Variants in MICAL3 observed in about 807,000 individuals in gnomAD.
MICAL3 encodes [F-actin]-monooxygenase MICAL3.
A neutral mutation model predicts 207.4 loss-of-function variants in MICAL3; 62 were observed. That is an observed-to-expected ratio of 0.30 (90% CI 0.24 to 0.37). The LOEUF (loss-of-function observed/expected upper bound fraction) is 0.37. Among genes scored for constraint, MICAL3 ranks in the 10% least tolerant of loss-of-function variants. MICAL3 has a pLI of 1.00. For missense variants in MICAL3, 2,368 were observed against 2,635.6 expected (o/e 0.90, Z 2.22); for synonymous variants, 1,077 against 1,069.3 (o/e 1.01, Z -0.14).
chr22:17,945,198 T>G (rs1934005252), intron 1 of MICAL3, among the ~76,000 whole-genome samples: 1 of 152,148 alleles, frequency 6.6e-6, no homozygotes. Context: ...AGCCTTTACC[T>G]TTCTCCATAA....
At chr22:17,934,749 CT>C (rs1178583724) in intron 1 of MICAL3, among the ~76,000 whole-genome samples, 8 of 152,310 alleles carry the variant, frequency 5.3e-5, no homozygotes, top group Admixed American at 2.6e-4. Flanking sequence ...TGATAAGCAA[CT>C]TCAGCAAAGT....
intron 1 of MICAL3, among the ~76,000 whole-genome samples, chr22:17,915,375 G>A (rs1434233993): frequency 6.6e-6 from 1 of 152,188 alleles, no homozygotes; most frequent in Non-Finnish European, 1.5e-5. Context: ...CAACCTCCAG[G>A]CCACTGCACA....
Position 17,841,927 on chromosome 22 carries a change from G to A in MICAL3, c.2696C>T (p.Ser899Phe). ...ERIELENYRLSLRQAEALQEV... is the reference protein window; with the variant it reads ...ERIELENYRLFLRQAEALQEV... ...CTGCAGTGCCTCAGCCTGCCTCAGG[G>A]ACAGGCGGTAGTTCTCCAGCTCGAT... Residue 899 changes from serine (S) to phenylalanine (F), a missense_variant, in exon 20 of 32, where the codon TCC (serine) becomes TTC (phenylalanine). Physicochemically the swap from Ser to Phe is radical, Grantham distance 155. Transcript: ENST00000441493. The surrounding 1 kb of genome is among the most constrained non-coding windows in gnomAD (Gnocchi z 4.2). The A allele has an allele frequency of 1.2e-6, 2 of 1,601,036 alleles. No homozygotes were observed. The highest frequency in any genetic ancestry group is 1.7e-6 in the Non-Finnish European group (2 of 1,175,488).
At chr22:17,872,682 C>T (rs1181311616) in intron 16 of MICAL3, 9 of 984,506 alleles carry the variant, frequency 9.1e-6, no homozygotes, top group South Asian at 2.6e-5. Flanking sequence ...AGTGACTCAG[C>T]ACACAGGTGT....
chr22:17,904,653 C>T lies in MICAL3; in HGVS notation c.451G>A (p.Ala151Thr). The change falls in exon 3 of 32, where the codon GCT (alanine) becomes ACT (threonine). Residue 151 changes from alanine to threonine, a missense_variant. This residue lies in a region of MICAL3 where 400 missense variants were observed against 547.0 expected (regional missense o/e 0.73). Transcript: ENST00000441493. ...GAKKFYGKFC[A>T]GAIDHISIRQ... ...TTACTGATATGGTCGATGGCTCCAGCACAGAACTTGCCATAGAACTTCTTG... is the reference window on the plus strand; with the variant it reads ...TTACTGATATGGTCGATGGCTCCAGTACAGAACTTGCCATAGAACTTCTTG... 1 of 1,613,928 alleles carries T rather than the reference C, an allele frequency of 6.2e-7. No homozygotes were observed. The highest frequency in any genetic ancestry group is 8.5e-7 in the Non-Finnish European group (1 of 1,179,930).
At chr22:17,928,023 C>T (rs1475713226) in intron 1 of MICAL3, among the ~76,000 whole-genome samples, 3 of 152,122 alleles carry the variant, frequency 2.0e-5, no homozygotes, top group African/African-American at 7.2e-5. Flanking sequence ...TCTGAGCACT[C>T]GAGATAAATT....
intron 1 of MICAL3, among the ~76,000 whole-genome samples, chr22:17,984,383 C>A (rs993798740): frequency 6.6e-6 from 1 of 152,246 alleles, no homozygotes; most frequent in Non-Finnish European, 1.5e-5. Flanking sequence ...AACGCCTCTG[C>A]GAGGAAGGCC....
At chr22:17,968,600 C>A (rs1169538750) in intron 1 of MICAL3, among the ~76,000 whole-genome samples, 7 of 152,070 alleles carry the variant, frequency 4.6e-5, no homozygotes, top group African/African-American at 1.7e-4. Context: ...CCTGAAATGC[C>A]TGGGAGAGTG....
chr22:17,887,617 T>C (rs980015502), intron 13 of MICAL3, among the ~76,000 whole-genome samples, 182 bp from the exon 14 acceptor site: 2 of 152,252 alleles, frequency 1.3e-5, no homozygotes, highest in Non-Finnish European at 2.9e-5. Flanking sequence ...TACTTGGGTA[T>C]GGACATTGAA....
In MICAL3 at chr22:17,810,221, C is replaced by T. The variant is rs575129989; in HGVS notation, c.5556+482G>A. Among the ~76,000 whole-genome samples the T allele has an allele frequency of 9.9e-5, 15 of 152,100 alleles. 1 individual carries two copies. Among genetic ancestry groups the T allele is most frequent in the African/African-American group, 2.9e-4 (12 of 41,480 alleles). On this transcript the variant is annotated intron_variant, in intron 28 of 31. Transcript: ENST00000441493. The stretch of plus-strand genomic sequence containing the variant: ...GGGACTACAGGCACTTGCCACCACG[C>T]CTGGCTAATTTTTTGTATTTTTAGT...
intron 29 of MICAL3, among the ~76,000 whole-genome samples, chr22:17,799,660 C>T (rs1265764753): frequency 1.3e-5 from 2 of 152,194 alleles, no homozygotes; most frequent in East Asian, 1.9e-4. Context: ...TCTAAAACCT[C>T]GGGCGATGAC....
chr22:17,930,470 G>A (rs1190801445), intron 1 of MICAL3, among the ~76,000 whole-genome samples: 2 of 152,166 alleles, frequency 1.3e-5, no homozygotes, highest in African/African-American at 2.4e-5. Context: ...CCACACAGCA[G>A]GAAAGAGGAA....
chr22:17,842,773 G>A (rs955338800), intron 19 of MICAL3, among the ~76,000 whole-genome samples: 3 of 152,168 alleles, frequency 2.0e-5, no homozygotes, highest in African/African-American at 4.8e-5. Flanking sequence ...CATCGTCGGC[G>A]ATCTTGGCCG....
intron 1 of MICAL3, among the ~76,000 whole-genome samples, chr22:17,912,535 A>G (rs1932210888): frequency 1.3e-5 from 2 of 152,328 alleles, no homozygotes; most frequent in South Asian, 4.1e-4. Flanking sequence ...TTTTCACTGT[A>G]CAAGGCTTTC....
chr22:17,840,332 T>C (rs1246189335), intron 20 of MICAL3: 1 of 152,256 alleles, frequency 6.6e-6, no homozygotes, highest in East Asian at 1.9e-4. Flanking sequence ...CCTTAAGTGA[T>C]GTGCCCACCT....
chr22:17,805,178 T>C (rs2061977565), intron 29 of MICAL3, among the ~76,000 whole-genome samples: 1 of 152,188 alleles, frequency 6.6e-6, no homozygotes, highest in Non-Finnish European at 1.5e-5. Context: ...CAGACTGCCA[T>C]GATGAGAAGA....
intron 1 of MICAL3, among the ~76,000 whole-genome samples, chr22:17,998,929 T>G (rs1043808767): frequency 2.0e-5 from 3 of 152,222 alleles, no homozygotes; most frequent in Non-Finnish European, 4.4e-5. Flanking sequence ...CTCTTATTTT[T>G]TCTAGAACAT....
chr22:17,817,895 G>T lies in MICAL3; in HGVS notation c.4766C>A (p.Ala1589Asp), dbSNP rs1279762348. 2 of 1,612,436 alleles carry T rather than the reference G, an allele frequency of 1.2e-6. No homozygotes were observed. Among genetic ancestry groups the T allele is most frequent in the Non-Finnish European group, 1.7e-6 (2 of 1,179,780 alleles). The change falls in exon 26 of 32, where the codon GCC becomes GAC. Residue 1589 changes from alanine (A) to aspartate (D), a missense_variant. Physicochemically the swap from Ala to Asp is moderately radical, Grantham distance 126. Transcript: ENST00000441493. ...KRGLPLVSAE[A>D]KELAEERMRA... ...CATGCGCTCCTCGGCCAACTCCTTG[G>T]CTTCCGCGGACACCAAGGGCAGCCC...
intron 19 of MICAL3, among the ~76,000 whole-genome samples, chr22:17,849,644 ATGTGTGTGTGTGTGTGTGTG>A (rs149239378): frequency 1.3e-4 from 10 of 79,464 alleles, no homozygotes; most frequent in African/African-American, 3.1e-4. Context: ...CCAGAATGGA[ATGTGTGTGTGTGTGTGTGTG>A]TGTGTGTGTG....
Sources: gnomAD v4.1 joint callset for allele counts (sites outside exome capture counted in the v4.1 genomes callset) on GRCh38, gnomAD v4.1.1 for gene constraint, gnomAD v4.1.1 regional missense constraint, Gnocchi (gnomAD v3.1) non-coding constraint, MANE v1.5 for transcripts, NCBI Gene and HGNC (gene_info 2026-07-23, HGNC 2026-07-21) for gene names.